Variants in COL21A1 observed in about 807,000 individuals in gnomAD.
COL21A1 encodes the protein collagen alpha-1(XXI) chain.
In COL21A1, 149 loss-of-function variants were observed where a neutral mutation model predicts 137.9. That is an observed-to-expected ratio of 1.08 (90% CI 0.95 to 1.24). The LOEUF (loss-of-function observed/expected upper bound fraction) is 1.24, where lower values mean the gene tolerates loss of function less well. Ranked by LOEUF, COL21A1 falls within the 50% of genes most tolerant of loss-of-function variation. The pLI, the probability that COL21A1 is intolerant of heterozygous loss-of-function variation, is 0.00. For missense variants in COL21A1, 1,167 were observed against 1,158.4 expected (o/e 1.01, Z -0.11); for synonymous variants, 456 against 391.5 (o/e 1.16, Z -1.95).
At chr6:56,387,770 G>A (rs1470778980) in intron 1 of COL21A1, among the ~76,000 whole-genome samples, 1 of 152,214 alleles carries the variant, frequency 6.6e-6, no homozygotes, top group East Asian at 1.9e-4. Context: ...ATCCCCAGCA[G>A]AAGTCCTGGC....
chr6:56,156,393 G>A lies in COL21A1; in HGVS notation c.1434+494C>T, dbSNP rs138633757. ...CATTTGCTTTAGAGGACTTAAAATTGTAAATTCCTTCTCTGCTCCTCTGAA... is the reference window on the plus strand; with the variant it reads ...CATTTGCTTTAGAGGACTTAAAATTATAAATTCCTTCTCTGCTCCTCTGAA... On this transcript the variant is annotated intron_variant, in intron 10 of 29. Transcript: ENST00000244728. 1.2e-3 allele frequency among the ~76,000 whole-genome samples: 176 copies of A among 152,250 alleles called. 1 individual carries two copies. The highest frequency in any genetic ancestry group is 4.0e-3 in the African/African-American group (168 of 41,542).
At chr6:56,219,783 A>C (rs1044545925) in intron 1 of COL21A1, among the ~76,000 whole-genome samples, 1 of 152,080 alleles carries the variant, frequency 6.6e-6, no homozygotes, top group African/African-American at 2.4e-5. Context: ...TGTTGCAATG[A>C]ATATTTTTGC....
intron 1 of COL21A1, among the ~76,000 whole-genome samples, chr6:56,338,808 C>G (rs1327912013): frequency 6.6e-6 from 1 of 152,116 alleles, no homozygotes; most frequent in Non-Finnish European, 1.5e-5. Context: ...ACTGGATTCT[C>G]AACTCCTCTC....
upstream of COL21A1, among the ~76,000 whole-genome samples, chr6:56,251,319 A>G (rs1474493389): frequency 1.3e-5 from 2 of 152,218 alleles, no homozygotes; most frequent in African/African-American, 2.4e-5. Flanking sequence ...TCAATCTACC[A>G]CAGTGAACCT....
chr6:56,324,703 G>C (rs994200502), intron 1 of COL21A1, among the ~76,000 whole-genome samples: 37 of 151,796 alleles, frequency 2.4e-4, no homozygotes, highest in African/African-American at 8.5e-4. Flanking sequence ...ATAATCACTT[G>C]GACACTCTAC....
intron 16 of COL21A1, among the ~76,000 whole-genome samples, chr6:56,111,906 C>T (rs1434239857): frequency 6.6e-6 from 1 of 151,072 alleles, no homozygotes; most frequent in Non-Finnish European, 1.5e-5. Context: ...AACTTTAACA[C>T]ATCCCACAGG....
intron 6 of COL21A1, among the ~76,000 whole-genome samples, chr6:56,167,790 T>TA (rs1197277758): frequency 5.3e-5 from 8 of 152,170 alleles, no homozygotes; most frequent in African/African-American, 1.9e-4. Context: ...TAGCCCCACT[T>TA]ACAGATGAAA....
chr6:56,135,294 A>G (rs928434812), intron 12 of COL21A1, among the ~76,000 whole-genome samples: 5 of 152,158 alleles, frequency 3.3e-5, no homozygotes, highest in Non-Finnish European at 7.3e-5. Flanking sequence ...ACAGCCCAGT[A>G]GGAAAATAAA....
intron 1 of COL21A1, among the ~76,000 whole-genome samples, chr6:56,238,336 T>G (rs1322244236): frequency 1.3e-5 from 2 of 150,542 alleles, no homozygotes; most frequent in African/African-American, 4.9e-5. Context: ...GATAAATTGA[T>G]GCATATCTAT....
At chr6:56,291,994 C>A (rs1268394140) in intron 1 of COL21A1, among the ~76,000 whole-genome samples, 1 of 152,038 alleles carries the variant, frequency 6.6e-6, no homozygotes, top group Non-Finnish European at 1.5e-5. Flanking sequence ...CGTAGTGAAA[C>A]CCTGTCTCTG....
At chr6:56,094,186 T>A (rs1769119435) in intron 17 of COL21A1, among the ~76,000 whole-genome samples, 1 of 152,180 alleles carries the variant, frequency 6.6e-6, no homozygotes, top group Non-Finnish European at 1.5e-5. Context: ...GCACTTTGCT[T>A]GGCAATCTCG....
chr6:56,380,928 T>C (rs573860319), intron 1 of COL21A1, among the ~76,000 whole-genome samples: 87 of 152,310 alleles, frequency 5.7e-4, no homozygotes, highest in Non-Finnish European at 1.1e-3. Context: ...ATGTATTCGG[T>C]AAGGTGTCTT....
chr6:56,172,796 T>C (rs1402656433), intron 3 of COL21A1, among the ~76,000 whole-genome samples: 1 of 152,034 alleles, frequency 6.6e-6, no homozygotes, highest in Non-Finnish European at 1.5e-5. Context: ...GTAGCAAAAA[T>C]ATAGAATATT....
At chr6:56,164,927 G>T in intron 7 of COL21A1, 105 bp from the exon 8 acceptor site, 1 of 951,816 alleles carries the variant, frequency 1.1e-6, no homozygotes, top group Non-Finnish European at 1.5e-6. Context: ...GATATATGAA[G>T]TATGAAAACC....
chr6:56,292,977 A>G (rs1311727473), intron 1 of COL21A1, among the ~76,000 whole-genome samples: 1 of 152,214 alleles, frequency 6.6e-6, no homozygotes, highest in Non-Finnish European at 1.5e-5. Context: ...ATTCAATTTT[A>G]TGCTTAAAAA....
intron 17 of COL21A1, chr6:56,077,904 C>A: frequency 2.7e-6 from 1 of 365,980 alleles, no homozygotes; most frequent in Non-Finnish European, 5.2e-6. Flanking sequence ...TCTAATGAAT[C>A]ATGCAAGAAA....
At chr6:56,149,928 C>G (rs562916022) in intron 10 of COL21A1, among the ~76,000 whole-genome samples, 1 of 152,274 alleles carries the variant, frequency 6.6e-6, no homozygotes, top group African/African-American at 2.4e-5. Context: ...TAAATCACAT[C>G]GGTCTCCTAC....
chr6:56,358,023 G>A (rs1765873904), intron 1 of COL21A1, among the ~76,000 whole-genome samples: 1 of 152,136 alleles, frequency 6.6e-6, no homozygotes, highest in Non-Finnish European at 1.5e-5. Flanking sequence ...TCTGATAAAA[G>A]AATCAATGTC....
At chr6:56,136,881 T>C (rs1334418359) in intron 12 of COL21A1, among the ~76,000 whole-genome samples, 2 of 152,146 alleles carry the variant, frequency 1.3e-5, no homozygotes, top group Admixed American at 1.3e-4. Context: ...AACACTCCTA[T>C]GGCCCAGTCA....
Sources: gnomAD v4.1 joint callset for allele counts (sites outside exome capture counted in the v4.1 genomes callset) on GRCh38, gnomAD v4.1.1 for gene constraint, MANE v1.5 for transcripts, NCBI Gene and HGNC (gene_info 2026-07-23, HGNC 2026-07-21) for gene names.